ARHGAP24: variants seen among roughly 807,000 people sequenced by gnomAD.
ARHGAP24 encodes the protein Rho GTPase activating protein 24, also known as rho GTPase-activating protein 24.
ARHGAP24 carries 50 observed loss-of-function variants against 76.4 expected under a neutral mutation model. That is an observed-to-expected ratio of 0.65 (90% CI 0.52 to 0.83). The LOEUF (loss-of-function observed/expected upper bound fraction) is 0.83, where lower values mean the gene tolerates loss of function less well. ARHGAP24 is among the 40% of genes least tolerant of loss of function. The pLI, the probability that ARHGAP24 is intolerant of heterozygous loss-of-function variation, is 0.00. For missense variants in ARHGAP24, 930 were observed against 914.2 expected, an observed-to-expected ratio of 1.02 and a Z score of -0.22; for synonymous variants, 345 against 323.3, an observed-to-expected ratio of 1.07 and a Z score of -0.72.
intron 1 of ARHGAP24, among the ~76,000 whole-genome samples, chr4:85,550,538 G>T (rs1261967838): frequency 6.6e-6 from 1 of 151,988 alleles, no homozygotes; most frequent in Non-Finnish European, 1.5e-5. Flanking sequence ...TCTCTTATTT[G>T]GTTCAACTTG....
chr4:85,677,534 G>A (rs964397982), intron 2 of ARHGAP24, among the ~76,000 whole-genome samples: 20 of 152,196 alleles, frequency 1.3e-4, no homozygotes, highest in African/African-American at 4.8e-4. Flanking sequence ...GATGAAGTGA[G>A]TTTTTAACCA....
At chr4:85,644,116 G>A (rs1377026934) in intron 2 of ARHGAP24, among the ~76,000 whole-genome samples, 1 of 152,104 alleles carries the variant, frequency 6.6e-6, no homozygotes, top group African/African-American at 2.4e-5. Flanking sequence ...CTTATGTGAA[G>A]GGCAAGTGAC....
At chr4:85,987,056 A>C (rs556745283) in intron 8 of ARHGAP24, among the ~76,000 whole-genome samples, 3 of 152,276 alleles carry the variant, frequency 2.0e-5, no homozygotes, top group Admixed American at 2.0e-4. Flanking sequence ...GTCAAAACCC[A>C]TAGAGCATAC....
In ARHGAP24 at chr4:85,995,122, G is replaced by A. The variant is rs780813806; in HGVS notation, c.1468G>A (p.Asp490Asn). Reference sequence around the variant, plus strand: ...GGTGCGCATGGGCATTTTGAACAGCGACACACTCGGGAACCCCACAAATGT... The same window carrying A: ...GGTGCGCATGGGCATTTTGAACAGCAACACACTCGGGAACCCCACAAATGT... ...GTVRMGILNS[D>N]TLGNPTNVRN... is the part of the protein sequence containing the mutation. Residue 490 changes from aspartate (D) to asparagine (N), a missense_variant, in exon 9 of 10, where the codon GAC (aspartate) becomes AAC (asparagine). Asp to Asn is a conservative substitution (Grantham distance 23). Transcript: ENST00000395184. 23 of 1,613,858 alleles carry A rather than the reference G, an allele frequency of 1.4e-5. 1 individual carries two copies. The highest frequency in any genetic ancestry group is 5.0e-5 in the Admixed American group (3 of 59,982).
At chr4:85,664,158 G>A (rs1033590241) in intron 2 of ARHGAP24, among the ~76,000 whole-genome samples, 2 of 151,450 alleles carry the variant, frequency 1.3e-5, no homozygotes, top group African/African-American at 4.9e-5. Context: ...TTTTTTGTTG[G>A]TAAGCTATTG....
At chr4:85,633,808 C>T (rs1404777163) in intron 2 of ARHGAP24, among the ~76,000 whole-genome samples, 1 of 151,854 alleles carries the variant, frequency 6.6e-6, no homozygotes, top group Non-Finnish European at 1.5e-5. Flanking sequence ...CCTGATTTCT[C>T]CTCTCTAAAG....
chr4:85,647,642 T>C (rs1401045482), intron 2 of ARHGAP24, among the ~76,000 whole-genome samples: 1 of 152,190 alleles, frequency 6.6e-6, no homozygotes, highest in Admixed American at 6.6e-5. Flanking sequence ...AATTTTCATC[T>C]TAACAACTCT....
chr4:85,655,808 GAGAGAGAGAA>G (rs1301842469), intron 2 of ARHGAP24, among the ~76,000 whole-genome samples: 4,877 of 81,184 alleles, frequency 0.06, 135 homozygotes, highest in East Asian at 0.21. Flanking sequence ...GAGAGAGAGA[GAGAGAGAGAA>G]AGAGAGAGAG....
chr4:85,730,547 C>T (rs1001234853), intron 3 of ARHGAP24, among the ~76,000 whole-genome samples: 1 of 152,080 alleles, frequency 6.6e-6, no homozygotes, highest in African/African-American at 2.4e-5. Flanking sequence ...GTAGCTGGAA[C>T]CACAAGTTCA....
At position 85,972,027 on chromosome 4, in the gene ARHGAP24, T is replaced by C; in HGVS notation, c.600-9T>C. 1 of 1,613,994 alleles carries C rather than the reference T, an allele frequency of 6.2e-7. No homozygotes were observed. The highest frequency in any genetic ancestry group is 8.5e-7 in the Non-Finnish European group (1 of 1,179,962). On this transcript the variant is annotated splice_polypyrimidine_tract_variant and intron_variant, in intron 5 of 9. Coordinates refer to ENST00000395184, the MANE Select transcript of ARHGAP24 (RefSeq NM_001025616.3). ...TCCAAAGAATATCTTCACACTTCTG[T>C]CTCCACAGCAACACAGATGTACACA...
chr4:85,592,894 A>C (rs534150721), intron 2 of ARHGAP24, among the ~76,000 whole-genome samples: 1 of 152,170 alleles, frequency 6.6e-6, no homozygotes, highest in Non-Finnish European at 1.5e-5. Context: ...GTTGATGGGC[A>C]CTTAGGTTCC....
chr4:85,889,035 A>G (rs1733734190), intron 3 of ARHGAP24, among the ~76,000 whole-genome samples: 1 of 152,130 alleles, frequency 6.6e-6, no homozygotes, highest in African/African-American at 2.4e-5. Flanking sequence ...TTTGATGGGC[A>G]TTTAGCTTGA....
intron 3 of ARHGAP24, among the ~76,000 whole-genome samples, chr4:85,871,476 C>T (rs1732520719): frequency 6.6e-6 from 1 of 152,116 alleles, no homozygotes; most frequent in African/African-American, 2.4e-5. Flanking sequence ...TCACTTTCTA[C>T]AGAAAGAATG....
At chr4:85,888,402 G>GAA (rs377665282) in intron 3 of ARHGAP24, among the ~76,000 whole-genome samples, 48,667 of 124,922 alleles carry the variant, frequency 0.39, 9,775 homozygotes, top group Non-Finnish European at 0.43. Context: ...TTCCTCTCAA[G>GAA]AAAAAAAAAA....
intron 3 of ARHGAP24, among the ~76,000 whole-genome samples, chr4:85,852,325 G>A (rs1731281493): frequency 6.6e-6 from 1 of 152,112 alleles, no homozygotes; most frequent in Non-Finnish European, 1.5e-5. Flanking sequence ...TCTCTACACT[G>A]GTTACTCTAG....
intron 2 of ARHGAP24, among the ~76,000 whole-genome samples, chr4:85,701,565 C>T (rs1724090087): frequency 6.6e-6 from 1 of 152,042 alleles, no homozygotes; most frequent in African/African-American, 2.4e-5. Context: ...TGATTGCATC[C>T]TACTGTAAAA....
chr4:85,901,223 C>T (rs999102077), intron 3 of ARHGAP24, among the ~76,000 whole-genome samples: 1 of 152,140 alleles, frequency 6.6e-6, no homozygotes, highest in East Asian at 1.9e-4. Context: ...ATAAGAAAAA[C>T]AAATGATTTA....
At chr4:85,745,516 A>G (rs1725998259) in intron 3 of ARHGAP24, among the ~76,000 whole-genome samples, 1 of 149,438 alleles carries the variant, frequency 6.7e-6, no homozygotes. Context: ...CCTTCACTCC[A>G]GGAGTTCAAG....
At chr4:85,809,745 G>A (rs1728933466) in intron 3 of ARHGAP24, among the ~76,000 whole-genome samples, 1 of 152,174 alleles carries the variant, frequency 6.6e-6, no homozygotes, top group Non-Finnish European at 1.5e-5. Context: ...TGGTGAAAGG[G>A]TATTAGCCAT....
Sources: gnomAD v4.1 joint callset for allele counts (sites outside exome capture counted in the v4.1 genomes callset) on GRCh38, gnomAD v4.1.1 for gene constraint, MANE v1.5 for transcripts, NCBI Gene and HGNC (gene_info 2026-07-23, HGNC 2026-07-21) for gene names.